The following BNC2 variants were observed in gnomAD, a reference collection of about 807,000 sequenced individuals.
The protein encoded by BNC2 is zinc finger protein basonuclin-2.
BNC2 carries 20 observed loss-of-function variants against 76.3 expected under a neutral mutation model. That is an observed-to-expected ratio of 0.26 (90% confidence interval 0.18 to 0.38). BNC2 has a LOEUF of 0.38. Ranked by LOEUF, BNC2 falls within the 10% of genes least tolerant of loss-of-function variation. The pLI is 1.00. For synonymous variants in BNC2, 582 were observed against 514.8 expected (o/e 1.13, Z -1.77); for missense variants, 1,382 against 1,399.8 (o/e 0.99, Z 0.20).
At chr9:16,779,526 T>C (rs1017547514) in intron 1 of BNC2, among the ~76,000 whole-genome samples, 10 of 152,172 alleles carry the variant, frequency 6.6e-5, no homozygotes, top group African/African-American at 9.7e-5. Flanking sequence ...ACAACTTCAG[T>C]TCTACCTTCA....
At chr9:16,712,528 T>C (rs1823879502) in intron 3 of BNC2, among the ~76,000 whole-genome samples, 1 of 152,174 alleles carries the variant, frequency 6.6e-6, no homozygotes, top group South Asian at 2.1e-4. Context: ...TTCAAACTTG[T>C]TGGAACATGA....
intron 1 of BNC2, among the ~76,000 whole-genome samples, chr9:16,772,377 A>C (rs1006641873): frequency 6.6e-6 from 1 of 152,160 alleles, no homozygotes; most frequent in African/African-American, 2.4e-5. Context: ...TGAGCACATT[A>C]AATTTTCCAT....
At chr9:16,534,386 C>G (rs1251666213) in intron 5 of BNC2, among the ~76,000 whole-genome samples, 1 of 152,122 alleles carries the variant, frequency 6.6e-6, no homozygotes, top group African/African-American at 2.4e-5. Flanking sequence ...CATAAAAAAT[C>G]ATGAGAAAAT....
intron 3 of BNC2, among the ~76,000 whole-genome samples, chr9:16,713,034 T>C (rs1823894595): frequency 6.6e-6 from 1 of 152,212 alleles, no homozygotes. Context: ...AGAAGCAGTG[T>C]ACCGTAAGAT....
chr9:16,613,988 A>G (rs1820625051), intron 3 of BNC2, among the ~76,000 whole-genome samples: 2 of 152,230 alleles, frequency 1.3e-5, no homozygotes, highest in Non-Finnish European at 2.9e-5. Flanking sequence ...CCACAAAAGA[A>G]AGGAATGAAA....
chr9:16,518,586 T>C (rs1302171996), intron 5 of BNC2, among the ~76,000 whole-genome samples: 1 of 112,154 alleles, frequency 8.9e-6, no homozygotes, highest in Non-Finnish European at 1.6e-5. Flanking sequence ...ATATTTTTTG[T>C]TGTTGTTGTT....
rs1820422399 is a variant in BNC2, at chr9:16,409,799, A to G, written c.*9190T>C. 6.6e-6 allele frequency: 1 copy of G among 152,532 alleles called. No individual in the cohort carries two copies. Among genetic ancestry groups the G allele is most frequent in the African/African-American group, 2.4e-5 (1 of 41,456 alleles). The allele number at this position is 152,532 out of a possible 1,614,324, so 9.4% of individuals were successfully genotyped here. Reference sequence around the variant, plus strand: ...TATTTAGGAAGCTACCAACGTCACAATGATTAGATCAGGGTGATGCACACT... The same window carrying G: ...TATTTAGGAAGCTACCAACGTCACAGTGATTAGATCAGGGTGATGCACACT... On this transcript the variant is annotated 3_prime_UTR_variant, in exon 7 of 7. Coordinates refer to ENST00000380672, the MANE Select transcript of BNC2 (RefSeq NM_017637.6).
Position 16,474,685 on chromosome 9 carries a change from T to C in BNC2, c.670-37161A>G, listed in dbSNP as rs530889285. 2.2e-4 allele frequency among the ~76,000 whole-genome samples: 34 copies of C among 152,322 alleles called. No individual in the cohort carries two copies. In the South Asian group the frequency reaches 2.3e-3, roughly 10 times the overall value. On this transcript the variant is annotated intron_variant, in intron 5 of 6. Transcript: ENST00000380672. ...CCTAGTTTATCTTCATATAGTGTAATAGAAAAACGCAAAGTGTTTTAATTG... is the reference window on the plus strand; with the variant it reads ...CCTAGTTTATCTTCATATAGTGTAACAGAAAAACGCAAAGTGTTTTAATTG...
chr9:16,519,179 G>A (rs1164532584), intron 5 of BNC2, among the ~76,000 whole-genome samples: 1 of 152,144 alleles, frequency 6.6e-6, no homozygotes, highest in Non-Finnish European at 1.5e-5. Flanking sequence ...CTGTGTCTCT[G>A]GGAGGTGTGA....
intron 2 of BNC2, among the ~76,000 whole-genome samples, chr9:16,736,717 G>A (rs766452250): frequency 1.7e-4 from 26 of 151,108 alleles, no homozygotes; most frequent in Non-Finnish European, 3.4e-4. Flanking sequence ...CTTGTGATCC[G>A]CCTCTCTCGG....
At chr9:16,652,640 G>A (rs1821824442) in intron 3 of BNC2, among the ~76,000 whole-genome samples, 1 of 152,138 alleles carries the variant, frequency 6.6e-6, no homozygotes, top group Non-Finnish European at 1.5e-5. Flanking sequence ...CACCCTAAGT[G>A]CACATGATAT....
intron 3 of BNC2, among the ~76,000 whole-genome samples, chr9:16,593,894 C>T (rs1443952677): frequency 1.3e-5 from 2 of 152,092 alleles, no homozygotes; most frequent in Non-Finnish European, 2.9e-5. Context: ...AGGCAAAGCA[C>T]TTCTCATATC....
At chr9:16,642,453 T>C (rs1821515785) in intron 3 of BNC2, among the ~76,000 whole-genome samples, 1 of 152,194 alleles carries the variant, frequency 6.6e-6, no homozygotes, top group African/African-American at 2.4e-5. Context: ...CCTTACTATA[T>C]AGCTTTCCTT....
At chr9:16,727,587 C>G in intron 3 of BNC2, 1 of 570,232 alleles carries the variant, frequency 1.8e-6, no homozygotes, top group Middle Eastern at 4.6e-4. Flanking sequence ...GGTATCCTTT[C>G]CCCTTTTTCT....
At chr9:16,489,505 G>C (rs1252339269) in intron 5 of BNC2, among the ~76,000 whole-genome samples, 2 of 152,172 alleles carry the variant, frequency 1.3e-5, no homozygotes, top group African/African-American at 4.8e-5. Context: ...CTCAGGGTAG[G>C]AAGGCTGAGT....
intron 1 of BNC2, among the ~76,000 whole-genome samples, chr9:16,810,821 C>CCA (rs1240212666): frequency 6.6e-6 from 1 of 152,214 alleles, no homozygotes; most frequent in Non-Finnish European, 1.5e-5. Flanking sequence ...GCTAGACCCT[C>CCA]CAGTTGCTAG....
At chr9:16,724,149 A>G (rs1043160243) in intron 3 of BNC2, among the ~76,000 whole-genome samples, 2 of 152,070 alleles carry the variant, frequency 1.3e-5, no homozygotes, top group Non-Finnish European at 2.9e-5. Context: ...AATAAAAGGT[A>G]AATGTCTCTA....
chr9:16,816,373 G>A (rs1259045376), intron 1 of BNC2, among the ~76,000 whole-genome samples: 1 of 152,080 alleles, frequency 6.6e-6, no homozygotes, highest in Admixed American at 6.5e-5. Context: ...TCAATGCAGG[G>A]GCATGTAGGT....
intron 1 of BNC2, among the ~76,000 whole-genome samples, chr9:16,793,242 C>A (rs1817559997): frequency 6.6e-6 from 1 of 152,108 alleles, no homozygotes; most frequent in African/African-American, 2.4e-5. Flanking sequence ...ATTCTTTTTT[C>A]TCTTATTATC....
Sources: gnomAD v4.1 joint callset for allele counts (sites outside exome capture counted in the v4.1 genomes callset) on GRCh38, gnomAD v4.1.1 for gene constraint, MANE v1.5 for transcripts, NCBI Gene and HGNC (gene_info 2026-07-23, HGNC 2026-07-21) for gene names.